FMN2: variants seen among roughly 807,000 people sequenced by gnomAD.
FMN2 encodes formin-2.
A neutral mutation model predicts 142.3 loss-of-function variants in FMN2; 51 were observed. The ratio of observed to expected loss-of-function variants is 0.36; its 90% CI spans 0.29 to 0.45. The LOEUF (loss-of-function observed/expected upper bound fraction) is 0.45, where lower values mean the gene tolerates loss of function less well. Among genes scored for constraint, FMN2 ranks in the 20% least tolerant of loss-of-function variants. The pLI is 1.00. For synonymous variants in FMN2, 882 were observed against 869.8 expected (o/e 1.01, Z -0.25); for missense variants, 1,936 against 2,122.8 (o/e 0.91, Z 1.73).
intron 15 of FMN2, among the ~76,000 whole-genome samples, chr1:240,431,447 T>C (rs1047919128): frequency 4.8e-5 from 7 of 147,054 alleles, no homozygotes; most frequent in African/African-American, 1.8e-4. Flanking sequence ...CACATATATA[T>C]GTTTTATTTC....
At chr1:240,103,409 A>C (rs1035816135) in intron 1 of FMN2, among the ~76,000 whole-genome samples, 32 of 152,190 alleles carry the variant, frequency 2.1e-4, no homozygotes, top group African/African-American at 7.0e-4. Flanking sequence ...TGGACCTCAG[A>C]CATATCTCAC....
intron 16 of FMN2, among the ~76,000 whole-genome samples, chr1:240,463,516 T>G (rs1400276692): frequency 6.6e-6 from 1 of 152,100 alleles, no homozygotes; most frequent in Non-Finnish European, 1.5e-5. Context: ...GCAGAAGTGG[T>G]AGTTAGAATT....
At position 240,472,447 on chromosome 1, in the gene FMN2, T is replaced by G. The variant is rs143796494; in HGVS notation, c.5136T>G (p.Ser1712=). ...ATAAAATAAAACCAAGACATGACTC[T>G]GGAATTGTAAGTATTACTGATTTTT... ...SLYKIKPRHD[S]GIKAKISMKT is the part of the protein sequence containing the mutation. The change falls in exon 17 of 18, where the codon TCT becomes TCG. Residue 1712 remains serine, a synonymous_variant. Transcript: ENST00000319653. 6,455 of 1,600,494 alleles carry G rather than the reference T, an allele frequency of 4.0e-3. 27 individuals are homozygous for G. The highest frequency in any genetic ancestry group is 4.8e-3 in the Non-Finnish European group (5,631 of 1,172,606).
chr1:240,114,173 A>G (rs1418166350), intron 1 of FMN2, among the ~76,000 whole-genome samples: 2 of 152,184 alleles, frequency 1.3e-5, no homozygotes, highest in Non-Finnish European at 2.9e-5. Context: ...AACAAGCTCC[A>G]GACATCATGT....
Position 240,234,411 on chromosome 1 carries a change from A to G in FMN2, c.4065+23176A>G, listed in dbSNP as rs183449122. On this transcript the variant is annotated intron_variant, in intron 6 of 17. Transcript: ENST00000319653. ...GGTGTAGAGATCTTCCAGAAAAGGG[A>G]AAACCCATTGTAGAAGAAAGGGAAA... Among the ~76,000 whole-genome samples, 9 of 152,052 alleles carry G rather than the reference A, an allele frequency of 5.9e-5. No individual in the cohort carries two copies. The East Asian group carries it at 1.6e-3, about 26-fold the overall frequency.
intron 14 of FMN2, among the ~76,000 whole-genome samples, chr1:240,358,899 G>T (rs1019137816): frequency 6.6e-6 from 1 of 152,146 alleles, no homozygotes; most frequent in African/African-American, 2.4e-5. Flanking sequence ...CACTTTGGGA[G>T]GCTGAGGTGC....
At chr1:240,349,794 G>A (rs1250809492) in intron 13 of FMN2, among the ~76,000 whole-genome samples, 3 of 152,160 alleles carry the variant, frequency 2.0e-5, no homozygotes, top group African/African-American at 4.8e-5. Context: ...CAAAAGTTGA[G>A]ATGATTGGAA....
At chr1:240,176,813 C>T (rs16839563) in intron 2 of FMN2, among the ~76,000 whole-genome samples, 3,949 of 152,260 alleles carry the variant, frequency 0.026, 168 homozygotes, top group African/African-American at 0.09. Flanking sequence ...TCTGATCCAA[C>T]GCTGAGGCTA....
rs1284055173 is a variant in FMN2, at chr1:240,170,820, C to A, written c.1783-7101C>A. Reference sequence around the variant, plus strand: ...TGGGCGGTAAAGTGGCTGGTGCATCCCGGATCATTGGTGTGGACATCCATC... The same window carrying A: ...TGGGCGGTAAAGTGGCTGGTGCATCACGGATCATTGGTGTGGACATCCATC... On this transcript the variant is annotated intron_variant, in intron 2 of 17. Coordinates refer to ENST00000319653, the MANE Select transcript of FMN2 (RefSeq NM_020066.5). 15 of 862,946 alleles carry A rather than the reference C, an allele frequency of 1.7e-5. No individual in the cohort carries two copies. The Admixed American group carries it at 2.6e-4, about 15-fold the overall frequency. The allele number at this position is 862,946 out of a possible 1,614,324, so 53.5% of individuals were successfully genotyped here. A position where few individuals can be genotyped will look rare whatever the true frequency, so the allele number is the denominator to read the frequency against.
intron 2 of FMN2, among the ~76,000 whole-genome samples, chr1:240,159,309 T>A (rs1414839745): frequency 1.3e-5 from 2 of 152,196 alleles, no homozygotes; most frequent in Non-Finnish European, 1.5e-5. Context: ...ATCGTGTTAA[T>A]GTCTTCTAGA....
chr1:240,223,346 G>A (rs1336774434), intron 6 of FMN2, among the ~76,000 whole-genome samples: 1 of 152,104 alleles, frequency 6.6e-6, no homozygotes, highest in East Asian at 1.9e-4. Flanking sequence ...ATTTGATCAT[G>A]GTGGATAAGC....
chr1:240,471,412 A>G (rs1676804528), intron 16 of FMN2, among the ~76,000 whole-genome samples: 1 of 149,294 alleles, frequency 6.7e-6, no homozygotes, highest in Admixed American at 6.8e-5. Flanking sequence ...CCCAGGCTGG[A>G]GTGCAGTGGC....
intron 6 of FMN2, among the ~76,000 whole-genome samples, chr1:240,246,097 G>A (rs745478450): frequency 1.6e-4 from 25 of 152,030 alleles, no homozygotes; most frequent in Non-Finnish European, 3.1e-4. Context: ...GGAGAATCAC[G>A]TGAACCCAGG....
At chr1:240,269,526 GTT>G (rs1223537514) in intron 7 of FMN2, among the ~76,000 whole-genome samples, 1 of 151,370 alleles carries the variant, frequency 6.6e-6, no homozygotes, top group Non-Finnish European at 1.5e-5. Context: ...TGGCTATTTG[GTT>G]TTTTTTGTGG....
At chr1:240,155,761 G>A (rs1663996779) in intron 2 of FMN2, among the ~76,000 whole-genome samples, 1 of 151,774 alleles carries the variant, frequency 6.6e-6, no homozygotes, top group African/African-American at 2.4e-5. Context: ...TCTTTATTGA[G>A]TAATGTTTTT....
chr1:240,127,764 G>A (rs77888130), intron 2 of FMN2, among the ~76,000 whole-genome samples: 2,181 of 152,270 alleles, frequency 0.014, 62 homozygotes, highest in African/African-American at 0.05. Context: ...ATAGACATAA[G>A]CCACCATGCC....
intron 6 of FMN2, among the ~76,000 whole-genome samples, chr1:240,239,035 A>T: frequency 6.6e-6 from 1 of 152,204 alleles, no homozygotes; most frequent in Non-Finnish European, 1.5e-5. Flanking sequence ...CAATGATCTG[A>T]GTGATAGTTA....
chr1:240,162,951 C>A (rs1348778921), intron 2 of FMN2, among the ~76,000 whole-genome samples: 1 of 152,072 alleles, frequency 6.6e-6, no homozygotes, highest in Non-Finnish European at 1.5e-5. Context: ...TTTATATTAT[C>A]CTTCATTTAA....
At chr1:240,238,775 A>G (rs1239102653) in intron 6 of FMN2, among the ~76,000 whole-genome samples, 1 of 152,178 alleles carries the variant, frequency 6.6e-6, no homozygotes, top group Non-Finnish European at 1.5e-5. Flanking sequence ...CTAAACTGCA[A>G]ACCTTCTAAA....
Sources: gnomAD v4.1 joint callset for allele counts (sites outside exome capture counted in the v4.1 genomes callset) on GRCh38, gnomAD v4.1.1 for gene constraint, MANE v1.5 for transcripts, NCBI Gene and HGNC (gene_info 2026-07-23, HGNC 2026-07-21) for gene names.